ADGB: variants seen among roughly 807,000 people sequenced by gnomAD.
ADGB encodes calpain-7-like protein.
A neutral mutation model predicts 210.5 loss-of-function variants in ADGB; 172 were observed. The ratio of observed to expected loss-of-function variants is 0.82; its 90% CI spans 0.72 to 0.93. The LOEUF (loss-of-function observed/expected upper bound fraction) is 0.93, where lower values mean the gene tolerates loss of function less well. Among genes scored for constraint, ADGB ranks in the 40% least tolerant of loss-of-function variants. The pLI, the probability that ADGB is intolerant of heterozygous loss-of-function variation, is 0.00. For synonymous variants in ADGB, 658 were observed against 662.7 expected (o/e 0.99, Z 0.11); for missense variants, 2,025 against 1,964.8 (o/e 1.03, Z -0.58).
chr6:146,691,920 C>A (rs1256141564), intron 11 of ADGB, among the ~76,000 whole-genome samples: 3 of 151,886 alleles, frequency 2.0e-5, no homozygotes, highest in Non-Finnish European at 4.4e-5. Flanking sequence ...TCCGTCCCTC[C>A]TTCCTTCCTT....
chr6:146,720,319 GAT>G (rs150273453), intron 16 of ADGB, among the ~76,000 whole-genome samples: 1,786 of 152,026 alleles, frequency 0.012, 39 homozygotes, highest in African/African-American at 0.041. Flanking sequence ...TGTGTAATTA[GAT>G]ATACATTAAT....
At chr6:146,676,511 A>G (rs1776086742) in intron 9 of ADGB, 70 bp downstream of exon 9, 1 of 1,184,950 alleles carries the variant, frequency 8.4e-7, no homozygotes, top group Non-Finnish European at 1.1e-6. Context: ...ACCTTGGAAC[A>G]TAGAAATACA....
intron 13 of ADGB, among the ~76,000 whole-genome samples, chr6:146,708,334 A>G (rs987989417): frequency 2.0e-4 from 30 of 152,042 alleles, no homozygotes; most frequent in Admixed American, 6.6e-5. Flanking sequence ...CTCATTTTTT[A>G]ATGTTACTGA....
intron 33 of ADGB, among the ~76,000 whole-genome samples, chr6:146,792,297 G>A (rs191159492): frequency 2.9e-4 from 44 of 152,238 alleles, no homozygotes; most frequent in African/African-American, 9.6e-4. Flanking sequence ...TATTGAATTC[G>A]TGGATTGCTT....
intron 28 of ADGB, among the ~76,000 whole-genome samples, chr6:146,767,163 G>T (rs1346502121): frequency 6.6e-6 from 1 of 152,066 alleles, no homozygotes; most frequent in Non-Finnish European, 1.5e-5. Flanking sequence ...TATTAAAATT[G>T]GAATAAGAAA....
intron 11 of ADGB, among the ~76,000 whole-genome samples, 181 bp downstream of exon 11, chr6:146,691,471 T>TAA (rs1562275641): frequency 2.2e-4 from 10 of 46,218 alleles, no homozygotes; most frequent in African/African-American, 2.0e-3. Flanking sequence ...AATATATATA[T>TAA]ATATAAATAT....
chr6:146,756,046 C>T (rs1216805585), intron 27 of ADGB, among the ~76,000 whole-genome samples: 2 of 152,026 alleles, frequency 1.3e-5, no homozygotes, highest in African/African-American at 4.8e-5. Flanking sequence ...CTGTCCCTCT[C>T]TCTTTAACAA....
intron 29 of ADGB, among the ~76,000 whole-genome samples, chr6:146,773,937 A>G (rs753417321): frequency 3.3e-5 from 5 of 152,156 alleles, no homozygotes; most frequent in Non-Finnish European, 7.3e-5. Flanking sequence ...CATTTTACAG[A>G]TGAGGGAACT....
chr6:146,791,638 C>G (rs895188724), intron 33 of ADGB, among the ~76,000 whole-genome samples: 2 of 152,146 alleles, frequency 1.3e-5, no homozygotes, highest in African/African-American at 4.8e-5. Flanking sequence ...CCACCCTGGC[C>G]TAAGCTGATT....
chr6:146,652,420 CT>C (rs531365733), intron 3 of ADGB, among the ~76,000 whole-genome samples: 3 of 152,044 alleles, frequency 2.0e-5, no homozygotes, highest in African/African-American at 7.2e-5. Flanking sequence ...TTTTCTCTAA[CT>C]TTTTTTATTG....
At chr6:146,807,999 T>A (rs1413570658) in intron 35 of ADGB, among the ~76,000 whole-genome samples, 1 of 145,530 alleles carries the variant, frequency 6.9e-6, no homozygotes, top group South Asian at 2.2e-4. Context: ...TCAGTTTTTT[T>A]TTTTTTTTTT....
chr6:146,700,840 C>A, intron 12 of ADGB, 101 bp from the exon 13 acceptor site: 2 of 1,320,568 alleles, frequency 1.5e-6, no homozygotes, highest in Non-Finnish European at 2.0e-6. Flanking sequence ...AAATAGAACA[C>A]AATCAGAACT....
In ADGB at chr6:146,694,233, A is replaced by G. The variant is rs185124923; in HGVS notation, c.1577+1318A>G. On this transcript the variant is annotated intron_variant, in intron 12 of 35. Transcript: ENST00000397944. Reference sequence around the variant, plus strand: ...GTTTGGGCTGCTATAACAAAATACCATAGACTTGTGGCTTGTAAATAACAA... The same window carrying G: ...GTTTGGGCTGCTATAACAAAATACCGTAGACTTGTGGCTTGTAAATAACAA... 1.9e-4 allele frequency among the ~76,000 whole-genome samples: 29 copies of G among 152,298 alleles called. No homozygotes were observed. In the East Asian group the frequency reaches 2.3e-3, roughly 12 times the overall value.
In ADGB at chr6:146,763,973, C is replaced by T. The variant is rs759637392; in HGVS notation, c.3623C>T (p.Ala1208Val). Reference sequence around the variant, plus strand: ...GAAGTGTATGTTAAGAAGAAAGCTGCTCAGGGAATTCAGAAATCCCCCAAG... The same window carrying T: ...GAAGTGTATGTTAAGAAGAAAGCTGTTCAGGGAATTCAGAAATCCCCCAAG... ...EQEVYVKKKA[A>V]QGIQKSPKGR... is the part of the protein sequence containing the mutation. Residue 1208 changes from alanine to valine, a missense_variant, in exon 28 of 36, where the codon GCT becomes GTT. Coordinates refer to ENST00000397944, the MANE Select transcript of ADGB (RefSeq NM_024694.4). 1.5e-5 allele frequency: 24 copies of T among 1,551,396 alleles called. 1 individual carries two copies. The South Asian group carries it at 2.3e-4, about 15-fold the overall frequency.
intron 33 of ADGB, among the ~76,000 whole-genome samples, chr6:146,800,130 AC>A (rs111449078): frequency 0.045 from 4,838 of 107,764 alleles, 231 homozygotes; most frequent in African/African-American, 0.14. Flanking sequence ...TTAAAAATAA[AC>A]TTTTTTCTTT....
intron 1 of ADGB, among the ~76,000 whole-genome samples, chr6:146,621,929 T>C (rs1288748111): frequency 6.6e-6 from 1 of 152,152 alleles, no homozygotes; most frequent in African/African-American, 2.4e-5. Context: ...GGCTATATCA[T>C]ATGGTATTAT....
intron 24 of ADGB, 93 bp from the exon 25 acceptor site, chr6:146,741,025 G>T: frequency 1.0e-6 from 1 of 993,462 alleles, no homozygotes; most frequent in Non-Finnish European, 1.4e-6. Context: ...TTGGAACTTT[G>T]GATTTTTAAA....
intron 13 of ADGB, among the ~76,000 whole-genome samples, chr6:146,713,577 A>G (rs1315524371): frequency 6.6e-6 from 1 of 151,992 alleles, no homozygotes; most frequent in African/African-American, 2.4e-5. Flanking sequence ...CCATTTTTTA[A>G]TTGCATTGTT....
chr6:146,782,205 T>G lies in ADGB; in HGVS notation c.4035+13T>G. On this transcript the variant is annotated intron_variant, in intron 30 of 35. Coordinates refer to ENST00000397944, the MANE Select transcript of ADGB (RefSeq NM_024694.4). ...CTTTGAGCCTCAGGTGGGTGTGGAA[T>G]TTTTTTTATTTGAGTGACTTAATGA... is the stretch of plus-strand genomic sequence containing the variant. 6.7e-7 allele frequency: 1 copy of G among 1,499,934 alleles called. No homozygotes were observed. The highest frequency in any genetic ancestry group is 8.9e-7 in the Non-Finnish European group (1 of 1,127,434). 92.9% of individuals were successfully genotyped at this position (1,499,934 alleles called of 1,614,324 possible).
Sources: gnomAD v4.1 joint callset for allele counts (sites outside exome capture counted in the v4.1 genomes callset) on GRCh38, gnomAD v4.1.1 for gene constraint, MANE v1.5 for transcripts, NCBI Gene and HGNC (gene_info 2026-07-23, HGNC 2026-07-21) for gene names.